Variants in PTPRT observed in about 807,000 individuals in gnomAD.
PTPRT encodes the protein protein tyrosine phosphatase receptor type T.
In PTPRT, 56 loss-of-function variants were observed where a neutral mutation model predicts 176.8. The ratio of observed to expected loss-of-function variants is 0.32; its 90% CI spans 0.26 to 0.40. The LOEUF is 0.40. Among genes scored for constraint, PTPRT ranks in the 10% least tolerant of loss-of-function variants. The pLI is 1.00. For synonymous variants in PTPRT, 783 were observed against 739.0 expected (o/e 1.06, Z -0.96); for missense variants, 1,540 against 1,908.2 (o/e 0.81, Z 3.60).
intron 1 of PTPRT, among the ~76,000 whole-genome samples, chr20:43,145,593 G>GC (rs761925197): frequency 4.6e-5 from 7 of 152,158 alleles, no homozygotes; most frequent in Non-Finnish European, 1.0e-4. Context: ...AAGAAGGAAA[G>GC]CCCATTTTCA....
Position 42,479,712 on chromosome 20 carries a change from C to A in PTPRT, c.1154-7150G>T, listed in dbSNP as rs551267062. On this transcript the variant is annotated intron_variant, in intron 7 of 30. Coordinates refer to ENST00000373187, the MANE Select transcript of PTPRT (RefSeq NM_007050.6). ...TCCAAAATCTGAAACTTTCTGAGTGCCAGCATGATGCTCAAAGGAAATGCA... is the reference window on the plus strand; with the variant it reads ...TCCAAAATCTGAAACTTTCTGAGTGACAGCATGATGCTCAAAGGAAATGCA... Among the ~76,000 whole-genome samples, 4 of 152,266 alleles carry A rather than the reference C, an allele frequency of 2.6e-5. 1 individual carries two copies. Among genetic ancestry groups the A allele is most frequent in the Admixed American group, 2.6e-4 (4 of 15,294 alleles).
intron 13 of PTPRT, among the ~76,000 whole-genome samples, chr20:42,275,464 T>C (rs920979317): frequency 5.3e-5 from 8 of 152,154 alleles, no homozygotes; most frequent in Non-Finnish European, 1.0e-4. Flanking sequence ...GAAAGATGGA[T>C]TGGAACTCCC....
At chr20:42,881,553 C>T (rs557634634) in intron 2 of PTPRT, among the ~76,000 whole-genome samples, 35 of 151,956 alleles carry the variant, frequency 2.3e-4, no homozygotes, top group African/African-American at 8.4e-4. Flanking sequence ...GGCAAAACTC[C>T]ATCTCTACTA....
intron 1 of PTPRT, among the ~76,000 whole-genome samples, chr20:43,181,007 T>C (rs2015244554): frequency 6.6e-6 from 1 of 152,272 alleles, no homozygotes; most frequent in Middle Eastern, 3.4e-3. Context: ...TCACACTCTC[T>C]CCGGCTCTCT....
intron 7 of PTPRT, among the ~76,000 whole-genome samples, chr20:42,538,011 T>C (rs2072507011): frequency 6.6e-6 from 1 of 152,148 alleles, no homozygotes; most frequent in Non-Finnish European, 1.5e-5. Context: ...GTGTCAGATA[T>C]CATTCCAACA....
intron 1 of PTPRT, among the ~76,000 whole-genome samples, chr20:43,139,195 A>G (rs540794144): frequency 1.3e-5 from 2 of 152,240 alleles, no homozygotes; most frequent in Admixed American, 6.5e-5. Context: ...GACTTTATCA[A>G]TCGTCCTGGC....
intron 2 of PTPRT, among the ~76,000 whole-genome samples, chr20:42,868,397 T>A (rs980923217): frequency 6.6e-6 from 1 of 152,212 alleles, no homozygotes; most frequent in Non-Finnish European, 1.5e-5. Context: ...CATGCCCATG[T>A]CTCAATGCTT....
intron 1 of PTPRT, among the ~76,000 whole-genome samples, chr20:42,928,074 G>A (rs954524265): frequency 1.3e-5 from 2 of 152,188 alleles, no homozygotes; most frequent in Non-Finnish European, 1.5e-5. Context: ...AAGGAGGCAG[G>A]GAAGGTGAAG....
In PTPRT at chr20:42,161,402, T is replaced by C; in HGVS notation, c.2632A>G (p.Ile878Val). 6.2e-7 allele frequency: 1 copy of C among 1,614,136 alleles called. No individual in the cohort carries two copies. Among genetic ancestry groups the C allele is most frequent in the Non-Finnish European group, 8.5e-7 (1 of 1,180,014 alleles). ...AIRVADLLQH[I>V]TQMKRGQGYG... ...CCCTGGCCTCTCTTCATCTGCGTGA[T>C]GTGCTGCAGCAAGTCAGCCACCCGG... Residue 878 changes from isoleucine (I) to valine (V), a missense_variant, in exon 17 of 31, where the codon ATC becomes GTC. Physicochemically the swap from Ile to Val is conservative, Grantham distance 29. Around this residue, in one of 11 missense-constraint regions of PTPRT, gnomAD observed 255 missense variants for 250.1 expected, o/e 1.02. Coordinates refer to ENST00000373187, the MANE Select transcript of PTPRT (RefSeq NM_007050.6).
chr20:42,329,162 A>G (rs2057928138), intron 11 of PTPRT, among the ~76,000 whole-genome samples: 1 of 152,222 alleles, frequency 6.6e-6, no homozygotes, highest in South Asian at 2.1e-4. Context: ...ACTCAGATGA[A>G]TAGATAGGCT....
intron 18 of PTPRT, among the ~76,000 whole-genome samples, chr20:42,138,775 T>C (rs1331106951): frequency 6.6e-6 from 1 of 152,174 alleles, no homozygotes; most frequent in Non-Finnish European, 1.5e-5. Flanking sequence ...AACCCCACTG[T>C]CTCTATTACT....
chr20:42,371,355 C>T (rs1439935326), intron 9 of PTPRT, among the ~76,000 whole-genome samples: 1 of 152,248 alleles, frequency 6.6e-6, no homozygotes, highest in East Asian at 1.9e-4. Context: ...CATCTTCCCA[C>T]TATCATCTTA....
chr20:42,161,583 A>G, intron 16 of PTPRT, 41 bp from the exon 17 acceptor site: 1 of 1,543,302 alleles, frequency 6.5e-7, no homozygotes. Flanking sequence ...CACCTATAGA[A>G]GCTTTGCCCT....
intron 7 of PTPRT, among the ~76,000 whole-genome samples, chr20:42,607,049 A>G (rs1243967189): frequency 6.6e-6 from 1 of 152,250 alleles, no homozygotes; most frequent in Non-Finnish European, 1.5e-5. Flanking sequence ...ACATGCTACT[A>G]CATAGATTAG....
intron 2 of PTPRT, among the ~76,000 whole-genome samples, chr20:42,806,035 G>A (rs921924194): frequency 1.4e-5 from 2 of 142,046 alleles, no homozygotes; most frequent in African/African-American, 5.3e-5. Flanking sequence ...TTACAGCCTT[G>A]TTCTTAGGAG....
In PTPRT at chr20:42,081,886, G is replaced by A; in HGVS notation, c.4268C>T (p.Thr1423Ile). 6.2e-7 allele frequency: 1 copy of A among 1,614,208 alleles called. No individual in the cohort carries two copies. Residue 1423 changes from threonine to isoleucine, a missense_variant, in exon 30 of 31, where the codon ACC (threonine) becomes ATC (isoleucine). Coordinates refer to ENST00000373187, the MANE Select transcript of PTPRT (RefSeq NM_007050.6). The stretch of plus-strand genomic sequence containing the variant: ...AACAGTCCTTGGGATACTCACCAGG[G>A]TCTCCACCATGTTGGATTTGTTGTT... ...LRNNKSNMVE[T>I]LEQYKFVYEV...
At chr20:42,153,904 T>G (rs1455804660) in intron 17 of PTPRT, among the ~76,000 whole-genome samples, 1 of 152,204 alleles carries the variant, frequency 6.6e-6, no homozygotes, top group Non-Finnish European at 1.5e-5. Flanking sequence ...ATCATAACCA[T>G]AGTCTCTTCC....
intron 2 of PTPRT, among the ~76,000 whole-genome samples, chr20:42,808,853 C>T (rs1018839037): frequency 6.6e-6 from 1 of 152,166 alleles, no homozygotes; most frequent in African/African-American, 2.4e-5. Context: ...TGGGTAGATG[C>T]TCAACAAACA....
rs6016821 is a variant in PTPRT at position 42,549,427 on chromosome 20, G to A, written c.1154-76865C>T. ...GCAGTGTAAATTAAATGTATTAAGT[G>A]GGCAGTGGGGTTGGGGAGGGACACG... On this transcript the variant is annotated intron_variant, in intron 7 of 30. Transcript: ENST00000373187. 3.2e-3 allele frequency among the ~76,000 whole-genome samples: 480 copies of A among 152,236 alleles called. 5 individuals carry two copies. Among genetic ancestry groups the A allele is most frequent in the African/African-American group, 0.011 (462 of 41,542 alleles).
Sources: allele counts gnomAD v4.1 joint callset (sites outside exome capture counted in the v4.1 genomes callset), GRCh38; gene constraint gnomAD v4.1.1; regional missense constraint gnomAD v4.1.1; transcripts MANE v1.5; gene names NCBI Gene and HGNC (gene_info 2026-07-23, HGNC 2026-07-21).